Variants in TCF7L1 observed in about 807,000 individuals in gnomAD.
TCF7L1 encodes transcription factor 7-like 1.
TCF7L1 carries 18 observed loss-of-function variants against 63.7 expected under a neutral mutation model. That is an observed-to-expected ratio of 0.28 (90% CI 0.20 to 0.42). The LOEUF is 0.42. Among genes scored for constraint, TCF7L1 ranks in the 10% least tolerant of loss-of-function variants. The probability of loss-of-function intolerance (pLI) is 1.00; values close to 1 mark genes in which losing one functional copy is unlikely to be tolerated. For synonymous variants in TCF7L1, 355 were observed against 340.9 expected, an observed-to-expected ratio of 1.04 and a Z score of -0.46; for missense variants, 654 against 779.3, an observed-to-expected ratio of 0.84 and a Z score of 1.91.
intron 3 of TCF7L1, chr2:85,204,893 T>G (rs1332471175): frequency 6.6e-6 from 1 of 151,898 alleles, no homozygotes; most frequent in Admixed American, 6.6e-5. Context: ...TTGTTTGTTT[T>G]TTTTCTTTAG....
Position 85,245,190 on chromosome 2 carries a change from C to T in TCF7L1, c.442-38305C>T, listed in dbSNP as rs910477472. Among the ~76,000 whole-genome samples, 86 of 152,166 alleles carry T rather than the reference C, an allele frequency of 5.7e-4. 2 individuals carry two copies. Among genetic ancestry groups the T allele is most frequent in the Admixed American group, 5.6e-3 (86 of 15,278 alleles). On this transcript the variant is annotated intron_variant, in intron 3 of 11. Transcript: ENST00000282111. ...CCCTAGGAGACTCAGGAAAAAGTCT[C>T]CAGACTTGGAACCTAAGCTGGACTG...
intron 3 of TCF7L1, among the ~76,000 whole-genome samples, chr2:85,280,345 A>G (rs1206355412): frequency 1.3e-5 from 2 of 152,186 alleles, no homozygotes; most frequent in African/African-American, 4.8e-5. Flanking sequence ...CATAGTGCTG[A>G]GCCTGAGAAA....
Position 85,271,302 on chromosome 2 carries a change from G to A in TCF7L1, c.442-12193G>A, listed in dbSNP as rs766941386. ...TAATTTTTGTGTTTTTAGTAGAGACGTGGTTTTGCCATATTGGCCATGCTG... is the reference window on the plus strand; with the variant it reads ...TAATTTTTGTGTTTTTAGTAGAGACATGGTTTTGCCATATTGGCCATGCTG... On this transcript the variant is annotated intron_variant, in intron 3 of 11. Coordinates refer to ENST00000282111, the MANE Select transcript of TCF7L1 (RefSeq NM_031283.3). Among the ~76,000 whole-genome samples the A allele has an allele frequency of 4.6e-5, 7 of 152,228 alleles. No homozygotes were observed. The South Asian group carries it at 6.2e-4, about 14-fold the overall frequency.
intron 3 of TCF7L1, chr2:85,217,284 T>G (rs555031834): frequency 3.9e-5 from 6 of 152,334 alleles, no homozygotes; most frequent in Admixed American, 3.9e-4. Context: ...GAAGCAAACC[T>G]GGCAAGTTAT....
intron 3 of TCF7L1, among the ~76,000 whole-genome samples, chr2:85,231,101 G>A (rs923675903): frequency 2.6e-5 from 4 of 152,138 alleles, no homozygotes; most frequent in Non-Finnish European, 4.4e-5. Flanking sequence ...GCAGATGAAC[G>A]AGGTTACTAA....
At chr2:85,242,338 A>T in intron 3 of TCF7L1, among the ~76,000 whole-genome samples, 1 of 152,036 alleles carries the variant, frequency 6.6e-6, no homozygotes, top group Non-Finnish European at 1.5e-5. Context: ...CCAAATCCAC[A>T]CTTTTCCATT....
chr2:85,288,753 A>G (rs1681619738), intron 4 of TCF7L1, among the ~76,000 whole-genome samples: 2 of 152,200 alleles, frequency 1.3e-5, no homozygotes, highest in South Asian at 2.1e-4. Context: ...GTAACATTGT[A>G]TAAGCAACTA....
intron 4 of TCF7L1, among the ~76,000 whole-genome samples, chr2:85,284,358 G>A (rs935993100): frequency 6.6e-6 from 1 of 152,138 alleles, no homozygotes; most frequent in East Asian, 1.9e-4. Context: ...TCAATAGGAC[G>A]TATGCAAACA....
chr2:85,245,369 G>T (rs948695201), intron 3 of TCF7L1, among the ~76,000 whole-genome samples: 2 of 152,138 alleles, frequency 1.3e-5, no homozygotes, highest in African/African-American at 4.8e-5. Flanking sequence ...CTCTTCACTG[G>T]GCATCAGTCA....
chr2:85,232,089 C>T (rs1026671471), intron 3 of TCF7L1, among the ~76,000 whole-genome samples: 1 of 152,216 alleles, frequency 6.6e-6, no homozygotes, highest in Admixed American at 6.5e-5. Flanking sequence ...TCCTCTGCAT[C>T]TGACTGGTGA....
chr2:85,178,058 C>T lies in TCF7L1; in HGVS notation c.441+43608C>T, dbSNP rs532296142. On this transcript the variant is annotated intron_variant, in intron 3 of 11. Transcript: ENST00000282111. The stretch of plus-strand genomic sequence containing the variant: ...AGATCAGTGAAGACAGGAGCAGGGC[C>T]CCCGAGCCCTGAGAAAAAGCAGGGA... Among the ~76,000 whole-genome samples, 8 of 152,140 alleles carry T rather than the reference C, an allele frequency of 5.3e-5. No homozygotes were observed. In the South Asian group the frequency reaches 1.7e-3, roughly 32 times the overall value.
intron 3 of TCF7L1, among the ~76,000 whole-genome samples, chr2:85,175,737 A>C (rs1678665099): frequency 1.3e-5 from 2 of 152,264 alleles, no homozygotes; most frequent in Non-Finnish European, 2.9e-5. Flanking sequence ...GAAGCTGGGA[A>C]TGACAGGAAG....
At chr2:85,246,993 C>T (rs534207213) in intron 3 of TCF7L1, among the ~76,000 whole-genome samples, 1 of 152,296 alleles carries the variant, frequency 6.6e-6, no homozygotes, top group South Asian at 2.1e-4. Context: ...GTTTTAGCAG[C>T]TCTTTCCTTC....
intron 3 of TCF7L1, among the ~76,000 whole-genome samples, chr2:85,266,149 T>C (rs149426580): frequency 2.2e-4 from 34 of 152,364 alleles, no homozygotes; most frequent in Admixed American, 4.6e-4. Flanking sequence ...AATTCAGATA[T>C]CATAATTGCA....
intron 3 of TCF7L1, among the ~76,000 whole-genome samples, chr2:85,223,090 GT>G (rs1248062111): frequency 1.3e-5 from 2 of 152,116 alleles, no homozygotes; most frequent in Non-Finnish European, 2.9e-5. Context: ...TTCCAAAATG[GT>G]TTGTTTTTGA....
intron 3 of TCF7L1, among the ~76,000 whole-genome samples, chr2:85,142,432 ATGTGTGTGTG>A (rs138067915): frequency 1.6e-4 from 22 of 138,064 alleles, no homozygotes; most frequent in African/African-American, 3.6e-4. Flanking sequence ...AAAAAAAAAA[ATGTGTGTGTG>A]TGTGTGTGTG....
At chr2:85,173,313 G>A (rs887445729) in intron 3 of TCF7L1, among the ~76,000 whole-genome samples, 1 of 151,980 alleles carries the variant, frequency 6.6e-6, no homozygotes, top group African/African-American at 2.4e-5. Context: ...AGGAGCAGGG[G>A]AGTGGGTACG....
intron 3 of TCF7L1, among the ~76,000 whole-genome samples, chr2:85,140,306 A>G (rs1677696521): frequency 6.6e-6 from 1 of 152,246 alleles, no homozygotes; most frequent in African/African-American, 2.4e-5. Flanking sequence ...TTCATTGGAG[A>G]CACGTTAGGT....
At chr2:85,241,262 G>A (rs773316119) in intron 3 of TCF7L1, among the ~76,000 whole-genome samples, 5 of 151,998 alleles carry the variant, frequency 3.3e-5, no homozygotes, top group African/African-American at 4.8e-5. Context: ...GTTGGCACAC[G>A]AGTATTTTCC....
Sources: gnomAD v4.1 joint callset for allele counts (sites outside exome capture counted in the v4.1 genomes callset) on GRCh38, gnomAD v4.1.1 for gene constraint, MANE v1.5 for transcripts, NCBI Gene and HGNC (gene_info 2026-07-23, HGNC 2026-07-21) for gene names.